The following DENND1A variants were observed in gnomAD, a reference collection of about 807,000 sequenced individuals.
The protein encoded by DENND1A is DENN domain containing 1A.
Under a neutral mutation model 113.7 loss-of-function variants are expected in DENND1A, and 51 were observed. That is an observed-to-expected ratio of 0.45 (90% CI 0.36 to 0.57). The LOEUF (loss-of-function observed/expected upper bound fraction) is 0.57. Among genes scored for constraint, DENND1A ranks in the 20% least tolerant of loss-of-function variants. The probability of loss-of-function intolerance (pLI) is 0.00; values close to 1 mark genes in which losing one functional copy is unlikely to be tolerated. For synonymous variants in DENND1A, 565 were observed against 570.8 expected (o/e 0.99, Z 0.14); for missense variants, 1,258 against 1,395.9 (o/e 0.90, Z 1.57).
At chr9:123,727,068 A>G (rs1216310409) in intron 5 of DENND1A, among the ~76,000 whole-genome samples, 2 of 152,182 alleles carry the variant, frequency 1.3e-5, no homozygotes, top group East Asian at 3.8e-4. Context: ...TCTAAACGGG[A>G]TGATCAGCAT....
intron 2 of DENND1A, among the ~76,000 whole-genome samples, chr9:123,849,489 A>C (rs1156372698): frequency 6.6e-6 from 1 of 152,186 alleles, no homozygotes. Context: ...AATAGTCTAA[A>C]CCCACTGTTG....
At chr9:123,502,412 T>C (rs924663748) in intron 13 of DENND1A, among the ~76,000 whole-genome samples, 3 of 152,236 alleles carry the variant, frequency 2.0e-5, no homozygotes, top group Admixed American at 2.0e-4. Flanking sequence ...TGGTATCTCA[T>C]TGTCATTCTG....
intron 1 of DENND1A, among the ~76,000 whole-genome samples, chr9:123,887,337 C>T (rs567575825): frequency 6.6e-6 from 1 of 152,192 alleles, no homozygotes; most frequent in Non-Finnish European, 1.5e-5. Context: ...TATGAAGGGG[C>T]AACATCCATG....
chr9:123,467,906 GC>G (rs1178626099), intron 13 of DENND1A, among the ~76,000 whole-genome samples: 2 of 152,098 alleles, frequency 1.3e-5, no homozygotes, highest in African/African-American at 4.8e-5. Context: ...GAGGTTCTGG[GC>G]TGTCCACCAC....
intron 10 of DENND1A, among the ~76,000 whole-genome samples, chr9:123,629,240 C>T (rs954907775): frequency 2.6e-5 from 4 of 152,218 alleles, no homozygotes; most frequent in Non-Finnish European, 4.4e-5. Flanking sequence ...AGGGCTATGA[C>T]CCTCAAATGG....
chr9:123,873,825 C>T (rs1410893395), intron 2 of DENND1A, among the ~76,000 whole-genome samples: 2 of 152,040 alleles, frequency 1.3e-5, no homozygotes, highest in African/African-American at 4.8e-5. Context: ...TCACTGCAAG[C>T]TCCGCCTCCC....
At chr9:123,747,692 A>G (rs920050137) in intron 5 of DENND1A, among the ~76,000 whole-genome samples, 1 of 152,218 alleles carries the variant, frequency 6.6e-6, no homozygotes, top group Non-Finnish European at 1.5e-5. Flanking sequence ...CTTAGAATGC[A>G]ATATATTCTA....
intron 9 of DENND1A, among the ~76,000 whole-genome samples, chr9:123,650,324 G>T (rs761654793): frequency 3.3e-5 from 5 of 152,006 alleles, no homozygotes; most frequent in Admixed American, 6.6e-5. Flanking sequence ...AATAATGAAG[G>T]TATAATAAAA....
rs190493153 is a variant in DENND1A at position 123,550,987 on chromosome 9, G to T, written c.993+6583C>A. On this transcript the variant is annotated intron_variant, in intron 13 of 23. Transcript: ENST00000394215. ...AGTTGCCTGGCAACTGCTAGGAGGC[G>T]TGTCAGAGAGCAAGAAAGGCCTAAA... Among the ~76,000 whole-genome samples the T allele has an allele frequency of 5.9e-5, 9 of 152,364 alleles. No homozygotes were observed. In the East Asian group the frequency reaches 1.3e-3, roughly 23 times the overall value.
chr9:123,471,462 ATTG>A (rs893897926), intron 13 of DENND1A, among the ~76,000 whole-genome samples: 2 of 152,166 alleles, frequency 1.3e-5, no homozygotes, highest in African/African-American at 4.8e-5. Flanking sequence ...ATGGCAAGTG[ATTG>A]TACTCAAGCA....
At chr9:123,796,756 TACACACAC>T (rs370185315) in intron 2 of DENND1A, among the ~76,000 whole-genome samples, 43 of 141,506 alleles carry the variant, frequency 3.0e-4, no homozygotes, top group Non-Finnish European at 5.3e-4. Flanking sequence ...TATGTGTACA[TACACACAC>T]ACACACACAC....
chr9:123,810,819 T>C (rs1665808577), intron 2 of DENND1A, among the ~76,000 whole-genome samples: 2 of 149,974 alleles, frequency 1.3e-5, no homozygotes, highest in African/African-American at 4.9e-5. Context: ...AGTGCAGTGG[T>C]GCAATCTTGG....
intron 13 of DENND1A, among the ~76,000 whole-genome samples, chr9:123,497,722 G>A (rs1346215911): frequency 6.8e-6 from 1 of 147,796 alleles, no homozygotes; most frequent in East Asian, 2.0e-4. Flanking sequence ...AAAAAACTAC[G>A]TTAGCACTAT....
chr9:123,795,606 C>T (rs1473381765), intron 2 of DENND1A, among the ~76,000 whole-genome samples: 1 of 152,148 alleles, frequency 6.6e-6, no homozygotes, highest in East Asian at 1.9e-4. Context: ...GCGTCAGCTG[C>T]ATTTCTTTGA....
At chr9:123,654,210 A>G (rs570947393) in intron 8 of DENND1A, among the ~76,000 whole-genome samples, 2 of 152,294 alleles carry the variant, frequency 1.3e-5, no homozygotes, top group African/African-American at 4.8e-5. Flanking sequence ...CAAAAATATG[A>G]GGCCCTTCAC....
chr9:123,903,675 A>C (rs912437888), intron 1 of DENND1A, among the ~76,000 whole-genome samples: 1 of 152,136 alleles, frequency 6.6e-6, no homozygotes, highest in Non-Finnish European at 1.5e-5. Flanking sequence ...GGCTTAAAAA[A>C]CGGCGCACCA....
In DENND1A at chr9:123,838,194, C is replaced by A. The variant is rs1186945987; in HGVS notation, c.88+40757G>T. Among the ~76,000 whole-genome samples, 2 of 152,268 alleles carry A rather than the reference C, an allele frequency of 1.3e-5. 1 individual carries two copies. Among genetic ancestry groups the A allele is most frequent in the South Asian group, 4.1e-4 (2 of 4,828 alleles). On this transcript the variant is annotated intron_variant, in intron 2 of 23. Coordinates refer to ENST00000394215, the MANE Select transcript of DENND1A (RefSeq NM_001352964.2). Reference sequence around the variant, plus strand: ...GAATCAACAATCCACTACTTACTAGCTGTATTACCTTAAGGCAAGTTACTT... The same window carrying A: ...GAATCAACAATCCACTACTTACTAGATGTATTACCTTAAGGCAAGTTACTT...
rs111445616 is a variant in DENND1A, at chr9:123,423,758, C to T, written c.1489-11929G>A. Among the ~76,000 whole-genome samples, 275 of 152,262 alleles carry T rather than the reference C, an allele frequency of 1.8e-3. 1 individual carries two copies. Among genetic ancestry groups the T allele is most frequent in the African/African-American group, 5.8e-3 (243 of 41,542 alleles). Reference sequence around the variant, plus strand: ...TCCAGCCCTGATGCACCAAGATACACGCTACTGTTTATTTATGGGGTCCTT... The same window carrying T: ...TCCAGCCCTGATGCACCAAGATACATGCTACTGTTTATTTATGGGGTCCTT... On this transcript the variant is annotated intron_variant, in intron 19 of 23. Coordinates refer to ENST00000394215, the MANE Select transcript of DENND1A (RefSeq NM_001352964.2).
chr9:123,704,187 C>T (rs2066045625), intron 5 of DENND1A, among the ~76,000 whole-genome samples: 1 of 151,172 alleles, frequency 6.6e-6, no homozygotes, highest in Non-Finnish European at 1.5e-5. Flanking sequence ...AGTAAACAAG[C>T]AATAAAGCTA....
Sources: gnomAD v4.1 joint callset for allele counts (sites outside exome capture counted in the v4.1 genomes callset) on GRCh38, gnomAD v4.1.1 for gene constraint, MANE v1.5 for transcripts, NCBI Gene and HGNC (gene_info 2026-07-23, HGNC 2026-07-21) for gene names.